The following ELOVL6 variants were observed in gnomAD, a reference collection of about 807,000 sequenced individuals.
The protein encoded by ELOVL6 is ELOVL fatty acid elongase 6.
ELOVL6 carries 8 observed loss-of-function variants against 31.7 expected under a neutral mutation model. That is an observed-to-expected ratio of 0.25 (90% CI 0.15 to 0.45). The LOEUF is 0.45. Ranked by LOEUF, ELOVL6 falls within the 20% of genes least tolerant of loss-of-function variation. The pLI is 1.00. For synonymous variants in ELOVL6, 101 were observed against 117.7 expected, an observed-to-expected ratio of 0.86 and a Z score of 0.92; for missense variants, 126 against 326.4, an observed-to-expected ratio of 0.39 and a Z score of 4.73.
intron 1 of ELOVL6, among the ~76,000 whole-genome samples, chr4:110,155,238 A>T (rs1335812425): frequency 6.6e-6 from 1 of 152,052 alleles, no homozygotes; most frequent in East Asian, 1.9e-4. Flanking sequence ...TTCAATTATA[A>T]ATTATTATGA....
At chr4:110,163,744 G>GT (rs1758693866) in intron 1 of ELOVL6, among the ~76,000 whole-genome samples, 1 of 152,250 alleles carries the variant, frequency 6.6e-6, no homozygotes, top group Non-Finnish European at 1.5e-5. Flanking sequence ...GCAGCACTGA[G>GT]TTGGGCTTTC....
intron 2 of ELOVL6, among the ~76,000 whole-genome samples, chr4:110,099,751 A>G (rs7674189): frequency 0.31 from 46,926 of 152,092 alleles, 8,320 homozygotes; most frequent in East Asian, 0.71. Context: ...TTGAATCAGA[A>G]GCACACACAC....
chr4:110,062,992 A>T (rs1001953484), intron 2 of ELOVL6, among the ~76,000 whole-genome samples: 1 of 152,200 alleles, frequency 6.6e-6, no homozygotes, highest in Non-Finnish European at 1.5e-5. Flanking sequence ...GTGCTCAACG[A>T]AACAGTTTTC....
At chr4:110,153,700 T>C (rs1444571379) in intron 1 of ELOVL6, among the ~76,000 whole-genome samples, 1 of 152,212 alleles carries the variant, frequency 6.6e-6, no homozygotes. Context: ...CTCCAACATA[T>C]ATAGAGAAAT....
At chr4:110,066,567 AGGGG>A (rs1755307700) in intron 2 of ELOVL6, among the ~76,000 whole-genome samples, 1 of 133,290 alleles carries the variant, frequency 7.5e-6, no homozygotes, top group African/African-American at 2.8e-5. Context: ...TGAACGCAGG[AGGGG>A]GAGCCTGCAG....
intron 2 of ELOVL6, among the ~76,000 whole-genome samples, chr4:110,070,847 A>AT (rs1755456041): frequency 2.6e-5 from 4 of 152,138 alleles, no homozygotes; most frequent in Non-Finnish European, 4.4e-5. Context: ...CTTCCTGTAC[A>AT]GCCTGCGGAA....
chr4:110,158,234 T>G (rs1026980051), intron 1 of ELOVL6, among the ~76,000 whole-genome samples: 4 of 152,212 alleles, frequency 2.6e-5, no homozygotes, highest in Non-Finnish European at 5.9e-5. Flanking sequence ...CACTACATAT[T>G]CATCCATCTC....
chr4:110,119,446 T>C (rs1757278706), intron 1 of ELOVL6, among the ~76,000 whole-genome samples: 1 of 152,230 alleles, frequency 6.6e-6, no homozygotes, highest in South Asian at 2.1e-4. Context: ...CTAATTAACA[T>C]GTTGCAAGGC....
intron 1 of ELOVL6, among the ~76,000 whole-genome samples, chr4:110,175,224 A>C (rs945340053): frequency 1.3e-5 from 2 of 152,054 alleles, no homozygotes; most frequent in South Asian, 2.1e-4. Context: ...CTCTACAAAA[A>C]ATACAAAAAT....
chr4:110,092,293 G>C (rs1431941776), intron 2 of ELOVL6, among the ~76,000 whole-genome samples: 1 of 152,128 alleles, frequency 6.6e-6, no homozygotes, highest in African/African-American at 2.4e-5. Context: ...AAAACATGGA[G>C]AATAAAAATT....
chr4:110,191,865 C>T (rs2126282368), intron 1 of ELOVL6, among the ~76,000 whole-genome samples: 1 of 152,176 alleles, frequency 6.6e-6, no homozygotes, highest in East Asian at 1.9e-4. Flanking sequence ...AAACCTCCGT[C>T]CCCCTCATAA....
intron 1 of ELOVL6, among the ~76,000 whole-genome samples, chr4:110,157,747 A>G (rs1187279045): frequency 6.6e-6 from 1 of 152,200 alleles, no homozygotes; most frequent in Non-Finnish European, 1.5e-5. Flanking sequence ...CTGAGTGCCA[A>G]CTACCTCAAG....
intron 1 of ELOVL6, among the ~76,000 whole-genome samples, chr4:110,132,994 G>A (rs145086282): frequency 2.0e-5 from 3 of 152,270 alleles, no homozygotes; most frequent in Non-Finnish European, 4.4e-5. Context: ...ATGTCTGGGT[G>A]GTGGTGGTTG....
In ELOVL6 at chr4:110,094,435, ATATATAT is replaced by A. The variant is rs1560820669; in HGVS notation, c.221+11055_221+11061del. Among the ~76,000 whole-genome samples, 97 of 58,408 alleles carry A rather than the reference ATATATAT, an allele frequency of 1.7e-3. 5 individuals carry two copies. The highest frequency in any genetic ancestry group is 4.2e-3 in the African/African-American group (51 of 12,084). The allele number at this position is 58,408 out of a possible 152,430, so 38.3% of individuals were successfully genotyped here. On this transcript the variant is annotated intron_variant, in intron 2 of 3. Coordinates refer to ENST00000302274, the MANE Select transcript of ELOVL6 (RefSeq NM_024090.3). ...TATATATATATATATATATATATAT[ATATATAT>A]AATATATATAACATAATATATATTA... is the stretch of plus-strand genomic sequence containing the variant.
chr4:110,096,181 CAA>C (rs1756575124), intron 2 of ELOVL6, among the ~76,000 whole-genome samples: 1 of 152,020 alleles, frequency 6.6e-6, no homozygotes. Flanking sequence ...ATTTATCATC[CAA>C]ATTGGGACAT....
intron 1 of ELOVL6, among the ~76,000 whole-genome samples, chr4:110,168,583 C>T (rs541136099): frequency 9.2e-5 from 14 of 152,098 alleles, no homozygotes; most frequent in Admixed American, 3.9e-4. Flanking sequence ...ACTGCTCTCA[C>T]GTGCTTTCAT....
At position 110,066,637 on chromosome 4, in the gene ELOVL6, C is replaced by CAAAA. The variant is rs1209180349; in HGVS notation, c.222-6887_222-6884dup. Reference sequence around the variant, plus strand: ...CTGGGCGACAGAGACTCTGTCTCAACAAAAAAAAAAAAAAAAAAAAAAAAA... The same window carrying CAAAA: ...CTGGGCGACAGAGACTCTGTCTCAACAAAAAAAAAAAAAAAAAAAAAAAAAAAAA... On this transcript the variant is annotated intron_variant, in intron 2 of 3. Transcript: ENST00000302274. 1.8e-4 allele frequency among the ~76,000 whole-genome samples: 10 copies of CAAAA among 56,566 alleles called. 1 individual carries two copies. Among genetic ancestry groups the CAAAA allele is most frequent in the African/African-American group, 3.0e-4 (6 of 19,816 alleles). The allele number at this position is 56,566 out of a possible 152,430, so 37.1% of individuals were successfully genotyped here.
At chr4:110,181,189 G>A (rs1354539939) in intron 1 of ELOVL6, among the ~76,000 whole-genome samples, 1 of 152,060 alleles carries the variant, frequency 6.6e-6, no homozygotes, top group African/African-American at 2.4e-5. Context: ...GCTCACGCCT[G>A]TAATCCCAAC....
At chr4:110,186,674 C>T (rs891400774) in intron 1 of ELOVL6, among the ~76,000 whole-genome samples, 5 of 147,290 alleles carry the variant, frequency 3.4e-5, no homozygotes, top group African/African-American at 1.3e-4. Flanking sequence ...CATGGTGGCA[C>T]GTGCCTGTAA....
Sources: allele counts gnomAD v4.1 joint callset (sites outside exome capture counted in the v4.1 genomes callset), GRCh38; gene constraint gnomAD v4.1.1; transcripts MANE v1.5; gene names NCBI Gene and HGNC (gene_info 2026-07-23, HGNC 2026-07-21).